Variants in PIK3C2B observed in about 807,000 individuals in gnomAD.
PIK3C2B encodes the protein phosphatidylinositol 4-phosphate 3-kinase C2 domain-containing subunit beta.
In PIK3C2B, 83 loss-of-function variants were observed where a neutral mutation model predicts 184.3. The ratio of observed to expected loss-of-function variants is 0.45; its 90% CI spans 0.38 to 0.54. The LOEUF is 0.54. PIK3C2B is among the 20% of genes least tolerant of loss of function. The pLI is 0.00. For missense variants in PIK3C2B, 1,736 were observed against 2,113.5 expected, an observed-to-expected ratio of 0.82 and a Z score of 3.50; for synonymous variants, 779 against 837.6, an observed-to-expected ratio of 0.93 and a Z score of 1.21.
In PIK3C2B at chr1:204,476,460, C is replaced by A. The variant is rs188969354; in HGVS notation, c.-84-6574G>T. On this transcript the variant is annotated intron_variant, in intron 1 of 32. Transcript: ENST00000684373. Reference sequence around the variant, plus strand: ...ACTGGGAAGGGTTAAGTGGATGGATCGTTTGGACCTGGGAGTTTGAGGCTA... The same window carrying A: ...ACTGGGAAGGGTTAAGTGGATGGATAGTTTGGACCTGGGAGTTTGAGGCTA... 3.1e-3 allele frequency among the ~76,000 whole-genome samples: 475 copies of A among 152,208 alleles called. 1 individual carries two copies. The highest frequency in any genetic ancestry group is 6.4e-3 in the African/African-American group (267 of 41,514).
At chr1:204,462,391 C>A (rs1022417483) in intron 5 of PIK3C2B, among the ~76,000 whole-genome samples, 1 of 152,224 alleles carries the variant, frequency 6.6e-6, no homozygotes, top group Non-Finnish European at 1.5e-5. Context: ...GTCATTCTCA[C>A]ATTTCACCCT....
intron 23 of PIK3C2B, among the ~76,000 whole-genome samples, chr1:204,437,140 C>G (rs536717698): frequency 6.6e-6 from 1 of 152,056 alleles, no homozygotes; most frequent in African/African-American, 2.4e-5. Flanking sequence ...ATAAAAGGCT[C>G]TGTGTGCAAT....
At position 204,466,283 on chromosome 1, in the gene PIK3C2B, T is replaced by C. The variant is rs1002907083; in HGVS notation, c.934-964A>G. Among the ~76,000 whole-genome samples, 13 of 152,198 alleles carry C rather than the reference T, an allele frequency of 8.5e-5. No individual in the cohort carries two copies. The South Asian group carries it at 1.2e-3, about 15-fold the overall frequency. On this transcript the variant is annotated intron_variant, in intron 2 of 32. Transcript: ENST00000684373. The stretch of plus-strand genomic sequence containing the variant: ...AAGGCCGGCATGTGGTTCCAACAGC[T>C]GTTTCTGGCGGGAGTCTAGCTCCGG...
At chr1:204,429,338 G>C (rs1165781910) in intron 29 of PIK3C2B, among the ~76,000 whole-genome samples, 2 of 152,188 alleles carry the variant, frequency 1.3e-5, no homozygotes, top group African/African-American at 4.8e-5. Flanking sequence ...GGTACTGCAA[G>C]TTGGTGTCTG....
chr1:204,460,145 C>T (rs1455037173), intron 7 of PIK3C2B, among the ~76,000 whole-genome samples, 179 bp downstream of exon 7: 1 of 152,182 alleles, frequency 6.6e-6, no homozygotes, highest in Non-Finnish European at 1.5e-5. Flanking sequence ...TGGCAAAGTT[C>T]CAGAGGGAAG....
chr1:204,463,476 G>A (rs529557309), intron 5 of PIK3C2B, among the ~76,000 whole-genome samples: 2 of 152,298 alleles, frequency 1.3e-5, no homozygotes, highest in African/African-American at 4.8e-5. Context: ...GAGGGCACTG[G>A]ATGGAGAGGA....
chr1:204,430,023 GA>G lies in PIK3C2B; in HGVS notation c.4295del (p.Phe1432SerfsTer2). On this transcript the variant is annotated frameshift_variant, in exon 29 of 33. Coordinates refer to ENST00000684373, the MANE Select transcript of PIK3C2B (RefSeq NM_001377334.1). LOFTEE classifies it high-confidence loss of function. ...CCTCTCCCCGGGAGCGGCCGATCAC[GA>G]AGCGACTAGGGAAGCTGGCGTGGCA... ...SSHLPSFPSR[F>X]VIGRSRGEAV... 1 of 1,608,586 alleles carries G rather than the reference GA, an allele frequency of 6.2e-7. No homozygotes were observed. The highest frequency in any genetic ancestry group is 8.5e-7 in the Non-Finnish European group (1 of 1,179,284).
At chr1:204,444,464 A>C (rs935599040) in intron 16 of PIK3C2B, 40 bp from the exon 17 acceptor site, 4 of 1,488,710 alleles carry the variant, frequency 2.7e-6, no homozygotes, top group East Asian at 2.3e-5. Flanking sequence ...CCTAGCTGCA[A>C]GTTGAGGCAC....
At chr1:204,460,523 G>C (rs2103503959) in intron 6 of PIK3C2B, 27 bp downstream of exon 6, 1 of 1,590,978 alleles carries the variant, frequency 6.3e-7, no homozygotes, top group East Asian at 2.2e-5. Context: ...CCAGCCCTGG[G>C]CAACCCTCCA....
In PIK3C2B at chr1:204,443,553, T is replaced by C; in HGVS notation, c.2912A>G (p.Tyr971Cys). ...CAGTAAGGCTGCCAGCAGATACTGG[T>C]AGCGGATGCTGAACTGAGAGTCCTT... ...GLKDSQFSIR[Y>C]QYLLAALLCC... Residue 971 changes from tyrosine to cysteine, a missense_variant, in exon 19 of 33, where the codon TAC (tyrosine) becomes TGC (cysteine). By Grantham distance (194) the Tyr-to-Cys change is radical. Around this residue, in one of 8 missense-constraint regions of PIK3C2B, gnomAD observed 289 missense variants for 380.4 expected, o/e 0.76. Coordinates refer to ENST00000684373, the MANE Select transcript of PIK3C2B (RefSeq NM_001377334.1). The C allele has an allele frequency of 1.9e-6, 3 of 1,614,166 alleles. No homozygotes were observed. The highest frequency in any genetic ancestry group is 2.5e-6 in the Non-Finnish European group (3 of 1,179,986).
chr1:204,438,317 C>T (rs901002790), intron 23 of PIK3C2B, among the ~76,000 whole-genome samples: 22 of 152,292 alleles, frequency 1.4e-4, no homozygotes, highest in Admixed American at 3.9e-4. Context: ...GAACAGGCCA[C>T]GGACCCTAGC....
At chr1:204,483,150 A>G (rs4951383) in intron 1 of PIK3C2B, among the ~76,000 whole-genome samples, 59,168 of 152,088 alleles carry the variant, frequency 0.39, 13,716 homozygotes, top group Non-Finnish European at 0.49. Context: ...GGCCAGGCAC[A>G]GTGGCTCACA....
chr1:204,473,610 C>T (rs910469070), intron 1 of PIK3C2B, among the ~76,000 whole-genome samples: 1 of 152,194 alleles, frequency 6.6e-6, no homozygotes, highest in African/African-American at 2.4e-5. Flanking sequence ...GTATTTTCAG[C>T]GCTGAGCTAG....
chr1:204,456,099 C>T, intron 10 of PIK3C2B, 48 bp from the exon 11 acceptor site: 1 of 1,504,264 alleles, frequency 6.6e-7, no homozygotes, highest in Non-Finnish European at 9.1e-7. Flanking sequence ...CCTCCACAAG[C>T]CCTACCTTGT....
intron 16 of PIK3C2B, 21 bp downstream of exon 16, chr1:204,445,935 A>C (rs1378211405): frequency 3.4e-6 from 5 of 1,464,630 alleles, no homozygotes; most frequent in Non-Finnish European, 4.6e-6. Context: ...ATAGTCAGAA[A>C]AGGCAGATGT....
intron 7 of PIK3C2B, 97 bp from the exon 8 acceptor site, chr1:204,460,038 T>A: frequency 1.0e-6 from 1 of 959,028 alleles, no homozygotes; most frequent in Non-Finnish European, 1.7e-6. Context: ...CAGCTCACAC[T>A]CTGATTTAAA....
chr1:204,458,192 T>A (rs1474998882), intron 8 of PIK3C2B, among the ~76,000 whole-genome samples: 2 of 152,150 alleles, frequency 1.3e-5, no homozygotes, highest in African/African-American at 4.8e-5. Context: ...CCCAGAGACC[T>A]GTAGAATTTC....
chr1:204,440,095 CT>C lies in PIK3C2B; in HGVS notation c.3379+96del, dbSNP rs1260140694. 3.3e-5 allele frequency: 44 copies of C among 1,325,702 alleles called. 1 individual carries two copies. Among genetic ancestry groups the C allele is most frequent in the Non-Finnish European group, 4.6e-5 (44 of 963,118 alleles). The allele number at this position is 1,325,702 out of a possible 1,614,324, so 82.1% of individuals were successfully genotyped here. A position where few individuals can be genotyped will look rare whatever the true frequency, so the allele number is the denominator to read the frequency against. ...TCATGAAATAATCTTGCCCTTTTCA[CT>C]TTCCTGGAGGAGGACACAGTTTGTG... On this transcript the variant is annotated intron_variant, in intron 22 of 32. Coordinates refer to ENST00000684373, the MANE Select transcript of PIK3C2B (RefSeq NM_001377334.1).
At chr1:204,482,887 G>A (rs566591776) in intron 1 of PIK3C2B, among the ~76,000 whole-genome samples, 2 of 152,270 alleles carry the variant, frequency 1.3e-5, no homozygotes, top group East Asian at 3.9e-4. Flanking sequence ...TCCTGATGGT[G>A]CCAGACCACA....
Sources: allele counts gnomAD v4.1 joint callset (sites outside exome capture counted in the v4.1 genomes callset), GRCh38; gene constraint gnomAD v4.1.1; regional missense constraint gnomAD v4.1.1; transcripts MANE v1.5; gene names NCBI Gene and HGNC (gene_info 2026-07-23, HGNC 2026-07-21).